Variants in VMA21 observed in about 807,000 individuals in gnomAD.
VMA21 encodes the protein vacuolar ATPase assembly factor VMA21, also known as vacuolar ATPase assembly integral membrane protein VMA21.
For missense variants in VMA21, 61 were observed against 80.6 expected, an observed-to-expected ratio of 0.76 and a Z score of 0.93; for synonymous variants, 47 against 34.1, an observed-to-expected ratio of 1.38 and a Z score of -1.32.
At chrX:151,398,300 A>G (rs2011210232) in intron 1 of VMA21, among the ~76,000 whole-genome samples, 1 of 97,589 alleles carries the variant, frequency 1.0e-5, no homozygotes, top group African/African-American at 3.5e-5. Flanking sequence ...CACCCAGGTA[A>G]TAAGCATAGT....
Position 151,405,312 on chromosome X carries a change from C to T in VMA21, c.*254C>T, listed in dbSNP as rs2011279123. 1 of 312,768 alleles carries T rather than the reference C, an allele frequency of 3.2e-6. No homozygotes were observed. The highest frequency in any genetic ancestry group is 5.6e-5 in the South Asian group (1 of 18,017). 25.8% of individuals were successfully genotyped at this position (312,768 alleles called of 1,213,427 possible). A position where few individuals can be genotyped will look rare whatever the true frequency, so the allele number is the denominator to read the frequency against. On this transcript the variant is annotated 3_prime_UTR_variant, in exon 3 of 3. Coordinates refer to ENST00000330374, the MANE Select transcript of VMA21 (RefSeq NM_001017980.4). ...TATGTTAATTTAATTAGACAATACT[C>T]TGGAAGGAATTTTATCTTCTTTCAA... is the stretch of plus-strand genomic sequence containing the variant.
At chrX:151,397,562 C>A (rs1412852025) in intron 1 of VMA21, among the ~76,000 whole-genome samples, 1 of 112,600 alleles carries the variant, frequency 8.9e-6, no homozygotes, top group South Asian at 3.7e-4. Context: ...ACAAGGGATC[C>A]GGGGTCATGG....
At chrX:151,396,602 G>A, upstream of VMA21, 1 of 327,559 alleles carries the variant, frequency 3.1e-6, no homozygotes, top group Non-Finnish European at 5.4e-6. Flanking sequence ...GTCATTCTCA[G>A]CAAGAGCTCT....
rs2011271782 is a variant in VMA21 at position 151,404,862 on chromosome X, TG to T, written c.164-53del. On this transcript the variant is annotated intron_variant, in intron 2 of 2. Transcript: ENST00000330374. The stretch of plus-strand genomic sequence containing the variant: ...ATTAGGATGCTTTGTTTTTTTTTTT[TG>T]TACTTTGGTAAATTTTGCAATAAAA... 16 of 1,175,563 alleles carry T rather than the reference TG, an allele frequency of 1.4e-5. No homozygotes were observed. In the South Asian group the frequency reaches 1.9e-4, roughly 14 times the overall value.
chrX:151,403,756 T>G lies in VMA21; in HGVS notation c.163+16T>G, dbSNP rs188765636. 5,806 of 1,123,978 alleles carry G rather than the reference T, an allele frequency of 5.2e-3. 17 individuals are homozygous for G. The highest frequency in any genetic ancestry group is 6.3e-3 in the Non-Finnish European group (5,178 of 817,011). 92.6% of individuals were successfully genotyped at this position (1,123,978 alleles called of 1,213,427 possible). On this transcript the variant is annotated intron_variant, in intron 2 of 2. Coordinates refer to ENST00000330374, the MANE Select transcript of VMA21 (RefSeq NM_001017980.4). The stretch of plus-strand genomic sequence containing the variant: ...ATATTTGAAGGTAATCTTAGACCCA[T>G]TAAAACAAGATGTTTTCCCCCAATT...
intron 1 of VMA21, among the ~76,000 whole-genome samples, chrX:151,398,975 T>C (rs891257575): frequency 3.5e-5 from 4 of 112,801 alleles, no homozygotes; most frequent in African/African-American, 1.3e-4. Flanking sequence ...TTGAATAGCA[T>C]CAGTTGCTTT....
Position 151,405,089 on chromosome X carries a change from T to A in VMA21, c.*31T>A. On this transcript the variant is annotated 3_prime_UTR_variant, in exon 3 of 3. Transcript: ENST00000330374. ...ACATCACCTTTTTATAGCATTAAATTCATTTTTTAAAATGATAAATGCTGG... is the reference window on the plus strand; with the variant it reads ...ACATCACCTTTTTATAGCATTAAATACATTTTTTAAAATGATAAATGCTGG... The A allele has an allele frequency of 8.3e-7, 1 of 1,204,607 alleles. No individual in the cohort carries two copies. Among genetic ancestry groups the A allele is most frequent in the Admixed American group, 2.2e-5 (1 of 45,998 alleles).
At chrX:151,396,645 CG>C, upstream of VMA21, 1 of 369,732 alleles carries the variant, frequency 2.7e-6, no homozygotes, top group Non-Finnish European at 4.7e-6. Flanking sequence ...TTTACGGACT[CG>C]GGTGAGTGTT....
rs2011199874 is a variant in VMA21 at position 151,397,238 on chromosome X, C to A, written c.-71C>A. ...GTGCGAACCGCCTCGGCCGTTCCCT[C>A]GCGGAGCTTACTGAGCGCGGCCGCC... On this transcript the variant is annotated 5_prime_UTR_variant, in exon 1 of 3. Transcript: ENST00000330374. 3.6e-6 allele frequency: 4 copies of A among 1,104,579 alleles called. No individual in the cohort carries two copies. The highest frequency in any genetic ancestry group is 4.8e-6 in the Non-Finnish European group (4 of 831,311). 91.0% of individuals were successfully genotyped at this position (1,104,579 alleles called of 1,213,427 possible). A position where few individuals can be genotyped will look rare whatever the true frequency, so the allele number is the denominator to read the frequency against.
At chrX:151,403,762 CA>C (rs1322241929) in intron 2 of VMA21, 22 bp downstream of exon 2, 6 of 1,098,099 alleles carry the variant, frequency 5.5e-6, no homozygotes, top group Non-Finnish European at 7.6e-6. Flanking sequence ...CCCATTAAAA[CA>C]AGATGTTTTC....
Position 151,399,256 on chromosome X carries a change from G to T in VMA21, c.53+1895G>T, listed in dbSNP as rs759950037. Among the ~76,000 whole-genome samples the T allele has an allele frequency of 2.7e-5, 3 of 112,254 alleles. No individual in the cohort carries two copies. The East Asian group carries it at 8.3e-4, about 31-fold the overall frequency. ...TATTAAGGTATGCTGTGTATAGATT[G>T]TGTGGGGGCTAGAAATTAATATGTA... On this transcript the variant is annotated intron_variant, in intron 1 of 2. Transcript: ENST00000330374.
rs1293457049 is a variant in VMA21, at chrX:151,403,537, A to G, written c.54-94A>G. On this transcript the variant is annotated intron_variant, in intron 1 of 2. Coordinates refer to ENST00000330374, the MANE Select transcript of VMA21 (RefSeq NM_001017980.4). Reference sequence around the variant, plus strand: ...GCCTGTGATCTTCCTCCTGCATAGCATCTCATTTGTGGATGTTTATAGTTT... The same window carrying G: ...GCCTGTGATCTTCCTCCTGCATAGCGTCTCATTTGTGGATGTTTATAGTTT... 4 of 650,790 alleles carry G rather than the reference A, an allele frequency of 6.1e-6. No individual in the cohort carries two copies. The African/African-American group carries it at 6.5e-5, about 11-fold the overall frequency. 53.6% of individuals were successfully genotyped at this position (650,790 alleles called of 1,213,427 possible).
Position 151,406,957 on chromosome X carries a change from A to G in VMA21, c.*1899A>G, listed in dbSNP as rs181310196. 1.8e-5 allele frequency: 2 copies of G among 112,640 alleles called. No homozygotes were observed. The highest frequency in any genetic ancestry group is 3.2e-5 in the African/African-American group (1 of 31,060). 9.3% of individuals were successfully genotyped at this position (112,640 alleles called of 1,213,427 possible). On this transcript the variant is annotated 3_prime_UTR_variant, in exon 3 of 3. Coordinates refer to ENST00000330374, the MANE Select transcript of VMA21 (RefSeq NM_001017980.4). Reference sequence around the variant, plus strand: ...TGTTTTTAATTCTTGCTTAAAGACTACAATTTTAGTATAATGACATTTGAG... The same window carrying G: ...TGTTTTTAATTCTTGCTTAAAGACTGCAATTTTAGTATAATGACATTTGAG...
At chrX:151,399,005 T>G (rs1054016837) in intron 1 of VMA21, among the ~76,000 whole-genome samples, 2 of 112,742 alleles carry the variant, frequency 1.8e-5, no homozygotes, top group Admixed American at 1.9e-4. Flanking sequence ...AAGCCACTGA[T>G]TTTACCCAAG....
chrX:151,397,186 C>T (rs768888005), upstream of VMA21: 7 of 783,503 alleles, frequency 8.9e-6, no homozygotes, highest in African/African-American at 4.4e-5. Context: ...CGCGAACGGG[C>T]ACTTCCGGCG....
At position 151,397,216 on chromosome X, in the gene VMA21, C is replaced by A; in HGVS notation, c.-93C>A. 2.0e-6 allele frequency: 2 copies of A among 1,017,839 alleles called. No homozygotes were observed. Among genetic ancestry groups the A allele is most frequent in the Non-Finnish European group, 2.6e-6 (2 of 766,109 alleles). 83.9% of individuals were successfully genotyped at this position (1,017,839 alleles called of 1,213,427 possible). ...CCGGCGCGAACCGCTACTTCCGGTG[C>A]GAACCGCCTCGGCCGTTCCCTCGCG... On this transcript the variant is annotated 5_prime_UTR_variant, in exon 1 of 3. Coordinates refer to ENST00000330374, the MANE Select transcript of VMA21 (RefSeq NM_001017980.4).
upstream of VMA21, chrX:151,397,053 C>A: frequency 2.0e-6 from 1 of 493,067 alleles, no homozygotes; most frequent in Non-Finnish European, 3.6e-6. Flanking sequence ...GCGGAGCCAC[C>A]GCCGGTAAGT....
upstream of VMA21, chrX:151,396,960 A>T: frequency 1.9e-6 from 1 of 523,834 alleles, no homozygotes. Flanking sequence ...GTTGCGCGGC[A>T]AGTCCCGGCT....
At chrX:151,396,841 T>C, upstream of VMA21, 1 of 520,138 alleles carries the variant, frequency 1.9e-6, no homozygotes, top group Non-Finnish European at 3.5e-6. Context: ...GCGGCTCATA[T>C]GCTCGGGTCT....
Sources: allele counts gnomAD v4.1 joint callset (sites outside exome capture counted in the v4.1 genomes callset), GRCh38; gene constraint gnomAD v4.1.1; transcripts MANE v1.5; gene names NCBI Gene and HGNC (gene_info 2026-07-23, HGNC 2026-07-21).